PPP2R5E: variants seen among roughly 807,000 people sequenced by gnomAD.
The protein encoded by PPP2R5E is serine/threonine-protein phosphatase 2A 56 kDa regulatory subunit epsilon isoform.
PPP2R5E carries 4 observed loss-of-function variants against 65.3 expected under a neutral mutation model. That is an observed-to-expected ratio of 0.06 (90% CI 0.03 to 0.14). PPP2R5E has a LOEUF of 0.14. PPP2R5E is among the 10% of genes least tolerant of loss of function. The pLI is 1.00. For synonymous variants in PPP2R5E, 183 were observed against 187.4 expected (o/e 0.98, Z 0.19); for missense variants, 274 against 556.1 (o/e 0.49, Z 5.10).
intron 2 of PPP2R5E, among the ~76,000 whole-genome samples, chr14:63,484,881 G>A (rs1291055778): frequency 6.6e-6 from 1 of 152,114 alleles, no homozygotes; most frequent in African/African-American, 2.4e-5. Flanking sequence ...AAGCAGCAAA[G>A]AACTACCCAC....
chr14:63,483,021 T>C (rs1890790778), intron 2 of PPP2R5E, among the ~76,000 whole-genome samples: 1 of 152,106 alleles, frequency 6.6e-6, no homozygotes, highest in Non-Finnish European at 1.5e-5. Flanking sequence ...GAACATAATA[T>C]AGGCCAGGCC....
rs143442094 is a variant in PPP2R5E, at chr14:63,514,869, T to C, written c.157+24660A>G. ...AAAATGAATCCTGCAAGGTAGACGA[T>C]ATTATCACCACTTTACAGACAAGCA... On this transcript the variant is annotated intron_variant, in intron 2 of 13. Coordinates refer to ENST00000337537, the MANE Select transcript of PPP2R5E (RefSeq NM_006246.5). 4.7e-3 allele frequency among the ~76,000 whole-genome samples: 711 copies of C among 152,328 alleles called. 6 individuals are homozygous for C. The highest frequency in any genetic ancestry group is 0.015 in the African/African-American group (630 of 41,576).
At chr14:63,489,077 A>G (rs1483781172) in intron 2 of PPP2R5E, among the ~76,000 whole-genome samples, 4 of 152,038 alleles carry the variant, frequency 2.6e-5, no homozygotes, top group African/African-American at 4.8e-5. Context: ...CAGAACCAGA[A>G]TTAGAATCCA....
At chr14:63,448,222 C>A (rs907123744) in intron 3 of PPP2R5E, among the ~76,000 whole-genome samples, 5 of 151,794 alleles carry the variant, frequency 3.3e-5, no homozygotes, top group Admixed American at 2.0e-4. Flanking sequence ...GTGTGAACCC[C>A]GGAGGCAGAG....
intron 2 of PPP2R5E, among the ~76,000 whole-genome samples, chr14:63,523,129 T>TGGG (rs1172235362): frequency 6.8e-6 from 1 of 147,104 alleles, no homozygotes; most frequent in South Asian, 2.1e-4. Flanking sequence ...TTCCGGGAAG[T>TGGG]GGGGGGCGCC....
intron 5 of PPP2R5E, among the ~76,000 whole-genome samples, chr14:63,409,700 A>G (rs1481178458): frequency 6.6e-6 from 1 of 152,222 alleles, no homozygotes; most frequent in Non-Finnish European, 1.5e-5. Context: ...TCACCTGTTT[A>G]AGATTGAAGG....
intron 5 of PPP2R5E, among the ~76,000 whole-genome samples, chr14:63,410,035 T>C (rs41400254): frequency 0.013 from 1,998 of 152,270 alleles, 67 homozygotes; most frequent in East Asian, 0.12. Flanking sequence ...CATAGTAAAA[T>C]AGCTCAATTC....
Position 63,494,514 on chromosome 14 carries a change from C to T in PPP2R5E, c.158-40629G>A, listed in dbSNP as rs74349598. The stretch of plus-strand genomic sequence containing the variant: ...CCTCCCAAAGTGCTGGGATTACAAG[C>T]GTGAGCCACCGCGCCCGGCTGTACA... On this transcript the variant is annotated intron_variant, in intron 2 of 13. Transcript: ENST00000337537. Among the ~76,000 whole-genome samples, 1,212 of 150,266 alleles carry T rather than the reference C, an allele frequency of 8.1e-3. 47 individuals carry two copies. The East Asian group carries it at 0.11, about 14-fold the overall frequency.
At chr14:63,503,752 T>C (rs1044640288) in intron 2 of PPP2R5E, among the ~76,000 whole-genome samples, 1 of 152,168 alleles carries the variant, frequency 6.6e-6, no homozygotes, top group Non-Finnish European at 1.5e-5. Context: ...TTAGGTATAC[T>C]GAAACTACCA....
chr14:63,541,574 C>T (rs1249020648), intron 1 of PPP2R5E, among the ~76,000 whole-genome samples: 1 of 152,144 alleles, frequency 6.6e-6, no homozygotes, highest in East Asian at 1.9e-4. Flanking sequence ...ATGGCAGACT[C>T]GGATAGAAAG....
intron 2 of PPP2R5E, among the ~76,000 whole-genome samples, chr14:63,478,469 T>C (rs1159555464): frequency 6.6e-6 from 1 of 152,150 alleles, no homozygotes; most frequent in Non-Finnish European, 1.5e-5. Flanking sequence ...AGTGGCACCA[T>C]TTTACACTTT....
At chr14:63,531,489 A>AAAG (rs150016218) in intron 2 of PPP2R5E, among the ~76,000 whole-genome samples, 52,717 of 151,746 alleles carry the variant, frequency 0.35, 11,416 homozygotes, top group African/African-American at 0.62. Context: ...TAAAAAGAAA[A>AAAG]AAAAAAATAA....
intron 2 of PPP2R5E, among the ~76,000 whole-genome samples, chr14:63,468,588 G>T (rs1438256962): frequency 6.6e-6 from 1 of 152,210 alleles, no homozygotes; most frequent in Non-Finnish European, 1.5e-5. Flanking sequence ...TATGAAGACT[G>T]CAACAATCTG....
chr14:63,443,582 G>A (rs189016633), intron 3 of PPP2R5E, among the ~76,000 whole-genome samples: 34 of 152,148 alleles, frequency 2.2e-4, no homozygotes, highest in African/African-American at 7.0e-4. Flanking sequence ...TGATTCACTG[G>A]TATCATCTAG....
chr14:63,540,430 CAAA>C (rs202037803), intron 1 of PPP2R5E, among the ~76,000 whole-genome samples: 13,630 of 74,050 alleles, frequency 0.18, 747 homozygotes, highest in East Asian at 0.39. Context: ...GAGTCCATCT[CAAA>C]AAAAAAAAAA....
At chr14:63,533,519 C>T (rs1893530798) in intron 2 of PPP2R5E, among the ~76,000 whole-genome samples, 1 of 152,186 alleles carries the variant, frequency 6.6e-6, no homozygotes, top group African/African-American at 2.4e-5. Context: ...CGAGATCGCA[C>T]CATTACACTC....
In PPP2R5E at chr14:63,542,798, A is replaced by G; in HGVS notation, c.-27T>C. The G allele has an allele frequency of 6.5e-6, 1 of 153,942 alleles. No individual in the cohort carries two copies. Among genetic ancestry groups the G allele is most frequent in the Non-Finnish European group, 1.5e-5 (1 of 68,300 alleles). 9.5% of individuals were successfully genotyped at this position (153,942 alleles called of 1,614,324 possible). ...AGTTACCTTGAAGCTTCTGGGGAAG[A>G]ATCCAAAGATGATCTGTGGCTTGGA... On this transcript the variant is annotated 5_prime_UTR_variant, in exon 1 of 14. Coordinates refer to ENST00000337537, the MANE Select transcript of PPP2R5E (RefSeq NM_006246.5).
At chr14:63,397,792 C>T (rs1885497344) in intron 5 of PPP2R5E, among the ~76,000 whole-genome samples, 1 of 149,856 alleles carries the variant, frequency 6.7e-6, no homozygotes, top group African/African-American at 2.5e-5. Context: ...GGCACGATCT[C>T]AGCTCACTGC....
At chr14:63,482,639 C>G (rs906956681) in intron 2 of PPP2R5E, among the ~76,000 whole-genome samples, 1 of 152,102 alleles carries the variant, frequency 6.6e-6, no homozygotes, top group Non-Finnish European at 1.5e-5. Context: ...CTGGCTGACT[C>G]CGACATCTGA....
Sources: allele counts gnomAD v4.1 joint callset (sites outside exome capture counted in the v4.1 genomes callset), GRCh38; gene constraint gnomAD v4.1.1; transcripts MANE v1.5; gene names NCBI Gene and HGNC (gene_info 2026-07-23, HGNC 2026-07-21).